The following PTPRQ variants were observed in gnomAD, a reference collection of about 807,000 sequenced individuals.
PTPRQ encodes protein tyrosine phosphatase receptor type Q.
In PTPRQ, 199 loss-of-function variants were observed where a neutral mutation model predicts 246.0. The ratio of observed to expected loss-of-function variants is 0.81; its 90% confidence interval spans 0.72 to 0.91. The LOEUF (loss-of-function observed/expected upper bound fraction) is 0.91. Ranked by LOEUF, PTPRQ falls within the 40% of genes least tolerant of loss-of-function variation. The pLI, the probability that PTPRQ is intolerant of heterozygous loss-of-function variation, is 0.00. For missense variants in PTPRQ, 2,624 were observed against 2,528.4 expected, an observed-to-expected ratio of 1.04 and a Z score of -0.81; for synonymous variants, 869 against 853.2, an observed-to-expected ratio of 1.02 and a Z score of -0.32.
intron 35 of PTPRQ, among the ~76,000 whole-genome samples, chr12:80,637,760 T>C (rs1899710766): frequency 6.6e-6 from 1 of 152,192 alleles, no homozygotes; most frequent in Non-Finnish European, 1.5e-5. Flanking sequence ...CATGTACATA[T>C]GAGTGGATCC....
chr12:80,468,625 C>T (rs1893520858), intron 6 of PTPRQ, 85 bp from the exon 7 acceptor site: 2 of 1,249,844 alleles, frequency 1.6e-6, no homozygotes, highest in Non-Finnish European at 2.1e-6. Context: ...TCCTTCTTTG[C>T]CTTTGTGTTT....
intron 40 of PTPRQ, 30 bp from the exon 41 acceptor site, chr12:80,669,309 C>T (rs1335540667): frequency 6.5e-7 from 1 of 1,547,016 alleles, no homozygotes; most frequent in African/African-American, 1.4e-5. Flanking sequence ...AACAATGACG[C>T]TTATGACTGA....
chr12:80,495,543 T>C (rs1894590758), intron 12 of PTPRQ, among the ~76,000 whole-genome samples, 172 bp downstream of exon 12: 1 of 152,054 alleles, frequency 6.6e-6, no homozygotes, highest in Non-Finnish European at 1.5e-5. Context: ...CATACATAAC[T>C]CGATTAAATG....
chr12:80,460,952 T>C (rs1264607520), intron 6 of PTPRQ, 50 bp downstream of exon 6: 6 of 398,758 alleles, frequency 1.5e-5, no homozygotes, highest in Non-Finnish European at 2.2e-5. Flanking sequence ...TAGAGAATAA[T>C]GTTTAATTTA....
intron 33 of PTPRQ, among the ~76,000 whole-genome samples, chr12:80,625,647 G>A (rs1034832923): frequency 1.3e-5 from 2 of 152,144 alleles, no homozygotes; most frequent in Non-Finnish European, 2.9e-5. Flanking sequence ...AGATGGCCAG[G>A]TAGAACTTCA....
chr12:80,472,340 T>A lies in PTPRQ; in HGVS notation c.1186+89T>A, dbSNP rs1893667385. On this transcript the variant is annotated intron_variant, in intron 8 of 44. Coordinates refer to ENST00000644991, the MANE Select transcript of PTPRQ (RefSeq NM_001145026.2). Reference sequence around the variant, plus strand: ...ACATGATATTAGAAGCAATTTGTTTTACATTTACTTAAATCATGTTATTTC... The same window carrying A: ...ACATGATATTAGAAGCAATTTGTTTAACATTTACTTAAATCATGTTATTTC... 3 of 1,475,810 alleles carry A rather than the reference T, an allele frequency of 2.0e-6. No homozygotes were observed. In the South Asian group the frequency reaches 3.9e-5, roughly 19 times the overall value. 91.4% of individuals were successfully genotyped at this position (1,475,810 alleles called of 1,614,324 possible).
chr12:80,605,244 C>T, intron 27 of PTPRQ, 64 bp downstream of exon 27: 1 of 1,502,896 alleles, frequency 6.7e-7, no homozygotes, highest in Non-Finnish European at 8.9e-7. Context: ...AGATTTGGAA[C>T]CAGACTATTT....
At chr12:80,659,386 A>G (rs1900554185) in intron 39 of PTPRQ, among the ~76,000 whole-genome samples, 1 of 152,042 alleles carries the variant, frequency 6.6e-6, no homozygotes, top group African/African-American at 2.4e-5. Flanking sequence ...GCATTTAGAT[A>G]TTTACATTTC....
chr12:80,586,004 G>A (rs1172282687), intron 25 of PTPRQ, among the ~76,000 whole-genome samples: 1 of 150,672 alleles, frequency 6.6e-6, no homozygotes, highest in Non-Finnish European at 1.5e-5. Context: ...TTGTTCTTGC[G>A]ATAGTTTACT....
At chr12:80,652,958 G>T in intron 38 of PTPRQ, 124 bp downstream of exon 38, 1 of 1,092,716 alleles carries the variant, frequency 9.2e-7, no homozygotes, top group Non-Finnish European at 1.2e-6. Flanking sequence ...GTATTTTATT[G>T]GCAGTGACTA....
chr12:80,552,650 T>C (rs1445890847), intron 25 of PTPRQ, among the ~76,000 whole-genome samples: 2 of 9,580 alleles, frequency 2.1e-4, no homozygotes, highest in Non-Finnish European at 3.0e-4. Flanking sequence ...AAAAATTATA[T>C]ATATATATAT....
chr12:80,457,725 G>T, intron 4 of PTPRQ, 81 bp downstream of exon 4: 2 of 398,122 alleles, frequency 5.0e-6, no homozygotes, highest in South Asian at 2.6e-4. Context: ...AATAAAAACT[G>T]ACACTAAAAT....
chr12:80,514,995 A>T (rs891252243), intron 17 of PTPRQ, among the ~76,000 whole-genome samples: 12 of 151,244 alleles, frequency 7.9e-5, no homozygotes, highest in African/African-American at 2.7e-4. Flanking sequence ...TCTTACTAAG[A>T]TGCTTGCTGG....
In PTPRQ at chr12:80,605,179, C is replaced by T. The variant is rs761152331; in HGVS notation, c.4730C>T (p.Ser1577Leu). ...ACATGTTATCTGATTGATGTCAAAT[C>T]GGTAAGGCATGTCTTACCTTCTGTA... ...GPTCYLIDVK[S>L]VDNDEFNISF... Residue 1577 changes from serine to leucine, a missense_variant and splice_region_variant, in exon 27 of 45, where the codon TCG becomes TTG. Ser to Leu is a moderately radical substitution (Grantham distance 145). Coordinates refer to ENST00000644991, the MANE Select transcript of PTPRQ (RefSeq NM_001145026.2). The T allele has an allele frequency of 2.1e-5, 33 of 1,539,650 alleles. No individual in the cohort carries two copies. Among genetic ancestry groups the T allele is most frequent in the South Asian group, 3.6e-5 (3 of 82,344 alleles).
At chr12:80,502,030 C>A (rs1294286195) in intron 14 of PTPRQ, among the ~76,000 whole-genome samples, 1 of 151,764 alleles carries the variant, frequency 6.6e-6, no homozygotes, top group African/African-American at 2.4e-5. Flanking sequence ...GCTGAAGGAA[C>A]AAGTGCAATC....
chr12:80,447,086 A>T (rs1455930324), intron 3 of PTPRQ, among the ~76,000 whole-genome samples: 1 of 151,926 alleles, frequency 6.6e-6, no homozygotes, highest in East Asian at 1.9e-4. Flanking sequence ...TGACTTTTTA[A>T]TAGTAGCCAT....
intron 33 of PTPRQ, among the ~76,000 whole-genome samples, chr12:80,628,019 T>A (rs968703615): frequency 6.6e-6 from 1 of 151,970 alleles, no homozygotes; most frequent in African/African-American, 2.4e-5. Context: ...TAATCTAATC[T>A]AAAAAAAATT....
At chr12:80,624,552 A>G (rs2121145394) in intron 33 of PTPRQ, among the ~76,000 whole-genome samples, 1 of 152,320 alleles carries the variant, frequency 6.6e-6, no homozygotes, top group East Asian at 1.9e-4. Context: ...TGTAATCGTT[A>G]GTTGTAGTGA....
At chr12:80,492,301 A>G (rs1222157885) in intron 9 of PTPRQ, among the ~76,000 whole-genome samples, 2 of 152,056 alleles carry the variant, frequency 1.3e-5, no homozygotes, top group East Asian at 1.9e-4. Flanking sequence ...CATGACCACA[A>G]TGAACAAAAT....
Sources: allele counts gnomAD v4.1 joint callset (sites outside exome capture counted in the v4.1 genomes callset), GRCh38; gene constraint gnomAD v4.1.1; transcripts MANE v1.5; gene names NCBI Gene and HGNC (gene_info 2026-07-23, HGNC 2026-07-21).